HUWE1: variants seen among roughly 807,000 people sequenced by gnomAD.
The protein encoded by HUWE1 is E3 ubiquitin-protein ligase HUWE1.
HUWE1 carries 18 observed loss-of-function variants against 299.4 expected under a neutral mutation model. That is an observed-to-expected ratio of 0.06 (90% CI 0.04 to 0.09). The LOEUF (loss-of-function observed/expected upper bound fraction) is 0.09. HUWE1 is among the 10% of genes least tolerant of loss of function. HUWE1 has a pLI of 1.00. For missense variants in HUWE1, 1,832 were observed against 3,462.3 expected (o/e 0.53, Z 11.82); for synonymous variants, 1,317 against 1,286.1 (o/e 1.02, Z -0.51).
chrX:53,583,471 A>G, intron 42 of HUWE1, 87 bp downstream of exon 42: 3 of 684,841 alleles, frequency 4.4e-6, no homozygotes, highest in Non-Finnish European at 7.2e-6. Flanking sequence ...TACCCTAAGA[A>G]GAACCAGAAG....
intron 53 of HUWE1, 49 bp downstream of exon 53, chrX:53,562,782 C>CA: frequency 9.8e-7 from 1 of 1,018,867 alleles, no homozygotes; most frequent in Non-Finnish European, 1.4e-6. Flanking sequence ...TAGTGTCTGT[C>CA]AGACGTGCAG....
chrX:53,662,617 G>A (rs2069059896), intron 3 of HUWE1, among the ~76,000 whole-genome samples: 1 of 112,067 alleles, frequency 8.9e-6, no homozygotes, highest in African/African-American at 3.2e-5. Context: ...ACCTAGCACG[G>A]TATCTTCCAC....
At chrX:53,596,007 A>G (rs2064442150) in intron 29 of HUWE1, among the ~76,000 whole-genome samples, 1 of 112,290 alleles carries the variant, frequency 8.9e-6, no homozygotes, top group African/African-American at 3.2e-5. Context: ...AACACAAAAA[A>G]CTGAGTGCTT....
chrX:53,581,132 ACATTTTATTTTTAAGT>A lies in HUWE1; in HGVS notation c.5521-122_5521-107del, dbSNP rs1204936463. 3 of 702,212 alleles carry A rather than the reference ACATTTTATTTTTAAGT, an allele frequency of 4.3e-6. No homozygotes were observed. In the African/African-American group the frequency reaches 6.6e-5, roughly 15 times the overall value. 57.9% of individuals were successfully genotyped at this position (702,212 alleles called of 1,213,427 possible). A position where few individuals can be genotyped will look rare whatever the true frequency, so the allele number is the denominator to read the frequency against. On this transcript the variant is annotated intron_variant, in intron 42 of 83. Transcript: ENST00000262854. ...AAAGCTTTTGATTTTGGGGAGAATG[ACATTTTATTTTTAAGT>A]CCCGTCCCATCCCTTCTTGATTCAA... is the stretch of plus-strand genomic sequence containing the variant.
intron 40 of HUWE1, 54 bp from the exon 41 acceptor site, chrX:53,584,399 GT>G: frequency 2.0e-6 from 2 of 1,013,005 alleles, no homozygotes; most frequent in Non-Finnish European, 2.8e-6. Flanking sequence ...AATTATAAAG[GT>G]GGGGGAGGGG....
At chrX:53,683,916 C>A in intron 2 of HUWE1, 1 of 276,701 alleles carries the variant, frequency 3.6e-6, no homozygotes, top group Non-Finnish European at 6.4e-6. Flanking sequence ...TAACCCTGCT[C>A]CCGCGAGAAT....
intron 2 of HUWE1, among the ~76,000 whole-genome samples, chrX:53,683,063 A>G (rs1219489819): frequency 8.9e-6 from 1 of 111,812 alleles, no homozygotes; most frequent in Non-Finnish European, 1.9e-5. Context: ...AAGATGGAGT[A>G]AATGCAGGCA....
chrX:53,585,282 A>G (rs2063802780), intron 39 of HUWE1, 94 bp from the exon 40 acceptor site: 2 of 895,773 alleles, frequency 2.2e-6, no homozygotes, highest in Non-Finnish European at 3.2e-6. Flanking sequence ...AAACTCACCC[A>G]GGAAAAAGAA....
chrX:53,671,517 AC>A (rs2069526816), intron 3 of HUWE1, among the ~76,000 whole-genome samples: 1 of 111,697 alleles, frequency 9.0e-6, no homozygotes, highest in Admixed American at 9.4e-5. Flanking sequence ...GAAGCTGGGC[AC>A]AGTGGCTCAC....
At position 53,535,466 on chromosome X, in the gene HUWE1, G is replaced by C. The variant is rs782477880; in HGVS notation, c.12567C>G (p.Leu4189=). 6.6e-6 allele frequency: 8 copies of C among 1,205,833 alleles called. No individual in the cohort carries two copies. The highest frequency in any genetic ancestry group is 5.9e-5 in the East Asian group (2 of 33,749). The change falls in exon 81 of 84, where the codon CTC becomes CTG. Residue 4189 remains leucine, a synonymous_variant. Transcript: ENST00000262854. The stretch of plus-strand genomic sequence containing the variant: ...CCAAGATGTTGGCCCCATTGGGTTT[G>C]AGGTCACGAACTTCACAAACTCCAA... The part of the protein sequence containing the change: ...QEFGVCEVRD[L]KPNGANILVT...
rs140812928 is a variant in HUWE1, at chrX:53,545,080, A to G, written c.10997T>C (p.Leu3666Pro). 100 of 1,207,843 alleles carry G rather than the reference A, an allele frequency of 8.3e-5. No individual in the cohort carries two copies. Among genetic ancestry groups the G allele is most frequent in the Non-Finnish European group, 1.1e-4 (100 of 894,014 alleles). ...GGTGGTCTGTGGCTGCTCCTCAGGC[A>G]GGCCATCAGGAGAGAGGGTTTCACA... ...AQCETLSPDG[L>P]PEEQPQTTKL... Residue 3666 changes from leucine (L) to proline (P), a missense_variant, in exon 71 of 84, where the codon CTG (leucine) becomes CCG (proline). By Grantham distance (98) the Leu-to-Pro change is moderately conservative. Around this residue, in one of 15 missense-constraint regions of HUWE1, gnomAD observed 48 missense variants for 87.0 expected, o/e 0.55. Coordinates refer to ENST00000262854, the MANE Select transcript of HUWE1 (RefSeq NM_031407.7).
intron 3 of HUWE1, among the ~76,000 whole-genome samples, chrX:53,676,634 T>C (rs782256018): frequency 9.0e-6 from 1 of 111,591 alleles, no homozygotes; most frequent in South Asian, 3.8e-4. Flanking sequence ...ACATACCAGA[T>C]AGCAAGGAAG....
chrX:53,539,547 CAGAGACACTGAGGGA>C (rs2061246182), intron 75 of HUWE1, 95 bp downstream of exon 75: 1 of 732,875 alleles, frequency 1.4e-6, no homozygotes. Flanking sequence ...ATTCTCATTA[CAGAGACACTGAGGGA>C]GAGGAGTAAC....
rs1195190345 is a variant in HUWE1 at position 53,555,805 on chromosome X, C to T, written c.8207-885G>A. Among the ~76,000 whole-genome samples, 3 of 109,043 alleles carry T rather than the reference C, an allele frequency of 2.8e-5. No homozygotes were observed. In the East Asian group the frequency reaches 8.7e-4, roughly 31 times the overall value. The allele number at this position is 109,043 out of a possible 115,157, so 94.7% of individuals were successfully genotyped here. A position where few individuals can be genotyped will look rare whatever the true frequency, so the allele number is the denominator to read the frequency against. The stretch of plus-strand genomic sequence containing the variant: ...CACAGGCGAGTGTCACCAAGCCTGG[C>T]TAATTTTTGTATTTTGAGTAGAGGC... On this transcript the variant is annotated intron_variant, in intron 60 of 83. Coordinates refer to ENST00000262854, the MANE Select transcript of HUWE1 (RefSeq NM_031407.7).
intron 7 of HUWE1, among the ~76,000 whole-genome samples, chrX:53,643,967 G>A (rs1158469879): frequency 9.0e-6 from 1 of 110,612 alleles, no homozygotes; most frequent in Non-Finnish European, 1.9e-5. Context: ...GGGACCACAG[G>A]GGTGTGCCAC....
At position 53,604,595 on chromosome X, in the gene HUWE1, A is replaced by G. The variant is rs782057620; in HGVS notation, c.2736T>C (p.Val912=). ...CCCCTAAGGTTATTTTTACCTGTCC[A>G]ACTCTGCAAGTATGAACAAACATCA... The part of the protein sequence containing the change: ...YIMMFVHTCR[V]GQSEIRSISV... The change falls in exon 26 of 84, where the codon GTT becomes GTC. Residue 912 remains valine, a synonymous_variant. Transcript: ENST00000262854. 32 of 1,211,670 alleles carry G rather than the reference A, an allele frequency of 2.6e-5. No homozygotes were observed. The highest frequency in any genetic ancestry group is 3.6e-5 in the Non-Finnish European group (32 of 895,216).
intron 3 of HUWE1, among the ~76,000 whole-genome samples, chrX:53,657,845 C>G (rs2068818405): frequency 9.2e-6 from 1 of 109,076 alleles, no homozygotes; most frequent in African/African-American, 3.3e-5. Context: ...GTCAGGAGAT[C>G]GAGACCATCC....
At chrX:53,556,424 G>A in intron 60 of HUWE1, 1 of 327,303 alleles carries the variant, frequency 3.1e-6, no homozygotes, top group South Asian at 2.8e-5. Flanking sequence ...GGGTACCAAG[G>A]CATCTACCCT....
intron 82 of HUWE1, 109 bp from the exon 83 acceptor site, chrX:53,534,306 C>A (rs782735873): frequency 2.6e-6 from 2 of 761,638 alleles, no homozygotes; most frequent in South Asian, 4.6e-5. Flanking sequence ...GAGGCAAGTC[C>A]CTTCTGTGGG....
Sources: allele counts gnomAD v4.1 joint callset (sites outside exome capture counted in the v4.1 genomes callset), GRCh38; gene constraint gnomAD v4.1.1; regional missense constraint gnomAD v4.1.1; transcripts MANE v1.5; gene names NCBI Gene and HGNC (gene_info 2026-07-23, HGNC 2026-07-21).